The following CNTNAP5 variants were observed in gnomAD, a reference collection of about 807,000 sequenced individuals.
CNTNAP5 encodes the protein contactin-associated protein-like 5.
Under a neutral mutation model 150.2 loss-of-function variants are expected in CNTNAP5, and 72 were observed. The observed-to-expected ratio is 0.48, with a 90% confidence interval of 0.40 to 0.58. The LOEUF (loss-of-function observed/expected upper bound fraction) is 0.58, where lower values mean the gene tolerates loss of function less well. Among genes scored for constraint, CNTNAP5 ranks in the 20% least tolerant of loss-of-function variants. The probability of loss-of-function intolerance (pLI) is 0.00; values close to 1 mark genes in which losing one functional copy is unlikely to be tolerated. For missense variants in CNTNAP5, 1,636 were observed against 1,626.2 expected (o/e 1.01, Z -0.10); for synonymous variants, 672 against 619.8 (o/e 1.08, Z -1.25).
intron 19 of CNTNAP5, among the ~76,000 whole-genome samples, chr2:124,839,038 T>G (rs1446636025): frequency 2.6e-5 from 4 of 151,906 alleles, no homozygotes; most frequent in Admixed American, 2.6e-4. Flanking sequence ...TGTGACAAAA[T>G]TTAGGGTACT....
chr2:124,414,731 G>A (rs971102008), intron 3 of CNTNAP5, among the ~76,000 whole-genome samples: 1 of 152,054 alleles, frequency 6.6e-6, no homozygotes, highest in Non-Finnish European at 1.5e-5. Flanking sequence ...GCGTGTGTGT[G>A]TGTGTGTGTG....
intron 21 of CNTNAP5, among the ~76,000 whole-genome samples, chr2:124,876,450 C>T: frequency 6.6e-6 from 1 of 151,358 alleles, no homozygotes; most frequent in South Asian, 2.1e-4. Context: ...GCATTTTGCT[C>T]TCCCTTTTTT....
At chr2:124,040,999 C>T (rs1262521204) in intron 1 of CNTNAP5, among the ~76,000 whole-genome samples, 1 of 152,146 alleles carries the variant, frequency 6.6e-6, no homozygotes, top group Non-Finnish European at 1.5e-5. Flanking sequence ...GTCATCCCCA[C>T]AAATCTTTCC....
intron 4 of CNTNAP5, among the ~76,000 whole-genome samples, chr2:124,423,565 C>A (rs984859150): frequency 6.8e-6 from 1 of 147,362 alleles, no homozygotes; most frequent in African/African-American, 2.5e-5. Flanking sequence ...TCACCGTGGT[C>A]TCGATCTCCT....
intron 17 of CNTNAP5, chr2:124,778,729 C>G (rs76697055): frequency 3.3e-5 from 5 of 152,180 alleles, no homozygotes; most frequent in African/African-American, 1.2e-4. Context: ...ATAAGCCTAC[C>G]TAGGCGTGTT....
intron 1 of CNTNAP5, among the ~76,000 whole-genome samples, chr2:124,086,653 T>C (rs934320757): frequency 6.6e-6 from 1 of 151,694 alleles, no homozygotes; most frequent in African/African-American, 2.4e-5. Flanking sequence ...CTTTGATTAA[T>C]ACTTCCATGA....
intron 3 of CNTNAP5, among the ~76,000 whole-genome samples, chr2:124,278,559 C>T (rs1181764170): frequency 6.6e-6 from 1 of 152,134 alleles, no homozygotes; most frequent in African/African-American, 2.4e-5. Flanking sequence ...ACATTTTGAG[C>T]AAACAAGCCT....
intron 1 of CNTNAP5, among the ~76,000 whole-genome samples, chr2:124,097,967 G>C (rs940552910): frequency 6.6e-6 from 1 of 152,190 alleles, no homozygotes; most frequent in Non-Finnish European, 1.5e-5. Flanking sequence ...GGCGGAGCTT[G>C]CCGTGGGCCG....
intron 19 of CNTNAP5, among the ~76,000 whole-genome samples, chr2:124,811,238 C>T (rs1476384188): frequency 1.3e-5 from 2 of 151,758 alleles, no homozygotes; most frequent in Non-Finnish European, 1.5e-5. Flanking sequence ...ATGGATAAAT[C>T]AAGAAATAAC....
intron 3 of CNTNAP5, among the ~76,000 whole-genome samples, chr2:124,266,379 A>G (rs1484602377): frequency 1.3e-5 from 2 of 152,162 alleles, no homozygotes. Context: ...GCATTTATGA[A>G]TATAGTATCA....
chr2:124,343,644 A>C (rs1689669903), intron 3 of CNTNAP5, among the ~76,000 whole-genome samples: 1 of 151,704 alleles, frequency 6.6e-6, no homozygotes, highest in Admixed American at 6.6e-5. Flanking sequence ...ACTCTTTGGT[A>C]AAGAGGAGAC....
chr2:124,182,530 G>A (rs989155719), intron 1 of CNTNAP5, among the ~76,000 whole-genome samples: 6 of 152,120 alleles, frequency 3.9e-5, no homozygotes, highest in African/African-American at 1.2e-4. Context: ...CTATGCACAA[G>A]GAAGCTTTGA....
intron 1 of CNTNAP5, among the ~76,000 whole-genome samples, chr2:124,054,387 C>G (rs150671662): frequency 1.8e-4 from 28 of 152,252 alleles, no homozygotes; most frequent in African/African-American, 6.7e-4. Context: ...CTGATGCACT[C>G]GGATCCCTAG....
chr2:124,713,180 C>CT (rs142410450), intron 13 of CNTNAP5, among the ~76,000 whole-genome samples: 11,510 of 101,334 alleles, frequency 0.11, 1,947 homozygotes, highest in African/African-American at 0.27. Flanking sequence ...CTCTCTTTTC[C>CT]TCCTTCCTTC....
At chr2:124,429,953 C>T (rs886493731) in intron 4 of CNTNAP5, among the ~76,000 whole-genome samples, 2 of 152,082 alleles carry the variant, frequency 1.3e-5, no homozygotes, top group Admixed American at 1.3e-4. Flanking sequence ...GAGTCCATTG[C>T]GAGGCTCTGA....
chr2:124,913,585 T>C (rs1219637636), intron 23 of CNTNAP5, among the ~76,000 whole-genome samples: 1 of 152,132 alleles, frequency 6.6e-6, no homozygotes, highest in Non-Finnish European at 1.5e-5. Context: ...ATTTCATTAT[T>C]AATGAAAATG....
At chr2:124,518,482 A>G (rs1265144534) in intron 8 of CNTNAP5, among the ~76,000 whole-genome samples, 1 of 152,196 alleles carries the variant, frequency 6.6e-6, no homozygotes, top group Non-Finnish European at 1.5e-5. Context: ...GTGGGAATGT[A>G]AAGTAGTGTA....
chr2:124,124,463 A>G (rs1683639530), intron 1 of CNTNAP5, among the ~76,000 whole-genome samples: 1 of 152,208 alleles, frequency 6.6e-6, no homozygotes, highest in Admixed American at 6.5e-5. Context: ...AGACGGGGAG[A>G]ATGGAACCAA....
intron 10 of CNTNAP5, among the ~76,000 whole-genome samples, chr2:124,535,144 C>G (rs529424749): frequency 6.6e-6 from 1 of 152,170 alleles, no homozygotes; most frequent in South Asian, 2.1e-4. Flanking sequence ...TTCTGGTGAC[C>G]ACCGGGCCCA....
Sources: gnomAD v4.1 joint callset for allele counts (sites outside exome capture counted in the v4.1 genomes callset) on GRCh38, gnomAD v4.1.1 for gene constraint, MANE v1.5 for transcripts, NCBI Gene and HGNC (gene_info 2026-07-23, HGNC 2026-07-21) for gene names.